VGLL4: variants seen among roughly 807,000 people sequenced by gnomAD.
The protein encoded by VGLL4 is vestigial like family member 4.
A neutral mutation model predicts 21.0 loss-of-function variants in VGLL4; 7 were observed. That is an observed-to-expected ratio of 0.33 (90% CI 0.19 to 0.63). VGLL4 has a LOEUF of 0.63. VGLL4 is among the 20% of genes least tolerant of loss of function. VGLL4 has a pLI of 0.78. For missense variants in VGLL4, 394 were observed against 425.7 expected, an observed-to-expected ratio of 0.93 and a Z score of 0.66; for synonymous variants, 222 against 173.2, an observed-to-expected ratio of 1.28 and a Z score of -2.21.
At chr3:11,658,699 C>A (rs570515969) in intron 2 of VGLL4, among the ~76,000 whole-genome samples, 19 of 148,798 alleles carry the variant, frequency 1.3e-4, no homozygotes, top group Non-Finnish European at 2.4e-4. Context: ...AAAATCCATG[C>A]CCTAAATTCT....
intron 1 of VGLL4, among the ~76,000 whole-genome samples, chr3:11,620,555 C>T (rs2075246469): frequency 6.6e-6 from 1 of 152,214 alleles, no homozygotes; most frequent in South Asian, 2.1e-4. Flanking sequence ...TCCAATCAGA[C>T]CTGCCACTAC....
intron 1 of VGLL4, among the ~76,000 whole-genome samples, chr3:11,643,076 C>T (rs866717020): frequency 6.6e-6 from 1 of 152,178 alleles, no homozygotes; most frequent in Non-Finnish European, 1.5e-5. Flanking sequence ...AGCCCCTCCC[C>T]CAAAGAGGCT....
intron 2 of VGLL4, among the ~76,000 whole-genome samples, chr3:11,576,591 A>G (rs552505430): frequency 6.6e-6 from 1 of 152,306 alleles, no homozygotes; most frequent in Non-Finnish European, 1.5e-5. Context: ...CTGCCTTGCC[A>G]TCCTCCGGGG....
intron 2 of VGLL4, among the ~76,000 whole-genome samples, chr3:11,650,905 A>G (rs1401696820): frequency 6.6e-6 from 1 of 152,192 alleles, no homozygotes; most frequent in Non-Finnish European, 1.5e-5. Flanking sequence ...GTCGCAATTT[A>G]CCAGCACATT....
Position 11,628,691 on chromosome 3 carries a change from G to A in VGLL4, c.82+14746C>T, listed in dbSNP as rs868377063. Among the ~76,000 whole-genome samples, 54 of 152,030 alleles carry A rather than the reference G, an allele frequency of 3.6e-4. 1 individual carries two copies. The Middle Eastern group carries it at 0.02, about 57-fold the overall frequency. On this transcript the variant is annotated intron_variant, in intron 1 of 4. Transcript: ENST00000430365. ...AACATTTAGCCGGGCGTGGTGGCGG[G>A]CGCCTGTAATCCCAGCTATTCTGGA...
chr3:11,669,753 C>T (rs2076177272), intron 2 of VGLL4, among the ~76,000 whole-genome samples: 2 of 152,138 alleles, frequency 1.3e-5, no homozygotes, highest in South Asian at 4.1e-4. Context: ...GATCACAGCT[C>T]ATTATAGCCT....
chr3:11,564,662 ATCCCTCACCACCTCCC>A lies in VGLL4; in HGVS notation c.495+119_495+134del, dbSNP rs60236070. On this transcript the variant is annotated intron_variant, in intron 3 of 4. Transcript: ENST00000430365. The stretch of plus-strand genomic sequence containing the variant: ...GTGCACAACAGAGGCGAAGGGTGGC[ATCCCTCACCACCTCCC>A]TCCCTCACCACCTCCCTCCCTCACC... 6.5e-3 allele frequency: 6,101 copies of A among 936,148 alleles called. 232 individuals are homozygous for A. The African/African-American group carries it at 0.086, about 13-fold the overall frequency. 58.0% of individuals were successfully genotyped at this position (936,148 alleles called of 1,614,324 possible).
At position 11,556,607 on chromosome 3, in the gene VGLL4, AG is replaced by A. The variant is rs1202956959; in HGVS notation, c.*1948del. On this transcript the variant is annotated 3_prime_UTR_variant, in exon 5 of 5. Coordinates refer to ENST00000430365, the MANE Select transcript of VGLL4 (RefSeq NM_001128219.3). The stretch of plus-strand genomic sequence containing the variant: ...ACAGACAAATCTACGACAAAAAAAA[AG>A]ATCAACTTTTTTTTTCCGAACAACA... The A allele has an allele frequency of 6.6e-6, 1 of 152,506 alleles. No individual in the cohort carries two copies. The highest frequency in any genetic ancestry group is 1.5e-5 in the Non-Finnish European group (1 of 68,038). The allele number at this position is 152,506 out of a possible 1,614,324, so 9.4% of individuals were successfully genotyped here. A position where few individuals can be genotyped will look rare whatever the true frequency, so the allele number is the denominator to read the frequency against.
intron 2 of VGLL4, among the ~76,000 whole-genome samples, chr3:11,655,643 C>G (rs1033939306): frequency 6.6e-6 from 1 of 152,206 alleles, no homozygotes; most frequent in Non-Finnish European, 1.5e-5. Context: ...TTCCTGTTTA[C>G]CCCACATAGG....
intron 1 of VGLL4, chr3:11,611,923 G>GT (rs2075070714): frequency 6.6e-6 from 1 of 152,072 alleles, no homozygotes; most frequent in Non-Finnish European, 1.5e-5. Flanking sequence ...TGGGGAGGCA[G>GT]TGGGTCTGAG....
At chr3:11,600,620 C>G (rs986752924) in intron 2 of VGLL4, among the ~76,000 whole-genome samples, 6 of 152,134 alleles carry the variant, frequency 3.9e-5, no homozygotes, top group African/African-American at 1.4e-4. Context: ...GGATAAATAC[C>G]TCTGTCAGTG....
chr3:11,613,891 G>A (rs1296820120), intron 1 of VGLL4, among the ~76,000 whole-genome samples: 6 of 152,128 alleles, frequency 3.9e-5, no homozygotes, highest in East Asian at 3.9e-4. Context: ...CCCCCGCCTC[G>A]AATACAGTCA....
intron 1 of VGLL4, among the ~76,000 whole-genome samples, chr3:11,634,143 A>G (rs12632099): frequency 0.12 from 17,528 of 152,098 alleles, 1,306 homozygotes; most frequent in South Asian, 0.21. Flanking sequence ...CCAACTTTCT[A>G]TTATTTATCT....
At chr3:11,631,624 C>A (rs1295728062) in intron 1 of VGLL4, among the ~76,000 whole-genome samples, 1 of 152,156 alleles carries the variant, frequency 6.6e-6, no homozygotes, top group Non-Finnish European at 1.5e-5. Context: ...AAGACTGTGA[C>A]ATTTTTGGGT....
rs756589326 is a variant in VGLL4, at chr3:11,568,186, G to A, written c.273-3167C>T. ...TGGAGGAGCAGACTAAAGGTCAGGC[G>A]TCTGCCCATGTCCAAAGCCAAAGTC... On this transcript the variant is annotated intron_variant, in intron 2 of 4. Transcript: ENST00000430365. This position sits in a 1 kb window ranked among gnomAD's most constrained non-coding sequence, Gnocchi z 5.9. Among the ~76,000 whole-genome samples, 17 of 152,224 alleles carry A rather than the reference G, an allele frequency of 1.1e-4. 1 individual carries two copies. The highest frequency in any genetic ancestry group is 4.1e-4 in the South Asian group (2 of 4,834).
upstream of VGLL4, among the ~76,000 whole-genome samples, chr3:11,646,350 T>C (rs946767841): frequency 1.3e-5 from 2 of 152,190 alleles, no homozygotes; most frequent in Admixed American, 1.3e-4. Context: ...TTACATAAAT[T>C]CTCAATCAGA....
chr3:11,649,913 T>C lies in VGLL4; in HGVS notation c.65-47891A>G, dbSNP rs1366572400. On this transcript the variant is annotated intron_variant, in intron 2 of 5. Transcript: ENST00000273038. ...GTGCTCTATTTGGTTTGGTTTGGTT[T>C]GGTTTGGTTTGGTTTGGTTTGGTTT... 3.4e-4 allele frequency among the ~76,000 whole-genome samples: 44 copies of C among 127,672 alleles called. No homozygotes were observed. The South Asian group carries it at 7.7e-3, about 22-fold the overall frequency. The allele number at this position is 127,672 out of a possible 152,430, so 83.8% of individuals were successfully genotyped here.
chr3:11,657,896 C>A (rs896531580), intron 2 of VGLL4, among the ~76,000 whole-genome samples: 1 of 152,166 alleles, frequency 6.6e-6, no homozygotes, highest in Non-Finnish European at 1.5e-5. Context: ...CCAGCTCCCT[C>A]TTCTCCATTT....
chr3:11,677,777 C>A (rs2076314513), intron 2 of VGLL4, among the ~76,000 whole-genome samples: 1 of 151,870 alleles, frequency 6.6e-6, no homozygotes. Context: ...TGGTGGCATG[C>A]ACCTGTAGTC....
Sources: gnomAD v4.1 joint callset for allele counts (sites outside exome capture counted in the v4.1 genomes callset) on GRCh38, gnomAD v4.1.1 for gene constraint, Gnocchi (gnomAD v3.1) non-coding constraint, MANE v1.5 for transcripts, NCBI Gene and HGNC (gene_info 2026-07-23, HGNC 2026-07-21) for gene names.